The following TCF4 variants were observed in gnomAD, a reference collection of about 807,000 sequenced individuals.
TCF4 encodes transcription factor 4.
In TCF4, 3 loss-of-function variants were observed where a neutral mutation model predicts 82.1. The ratio of observed to expected loss-of-function variants is 0.04; its 90% CI spans 0.02 to 0.09. TCF4 has a LOEUF of 0.09. Among genes scored for constraint, TCF4 ranks in the 10% least tolerant of loss-of-function variants. TCF4 has a pLI of 1.00. For synonymous variants in TCF4, 276 were observed against 309.6 expected, an observed-to-expected ratio of 0.89 and a Z score of 1.14; for missense variants, 518 against 852.7, an observed-to-expected ratio of 0.61 and a Z score of 4.89.
intron 8 of TCF4, among the ~76,000 whole-genome samples, chr18:55,347,682 T>C (rs1485234003): frequency 1.3e-5 from 2 of 152,204 alleles, no homozygotes; most frequent in African/African-American, 4.8e-5. Context: ...GTCCAGTCTC[T>C]GTACCACAGG....
rs561805856 is a variant in TCF4, at chr18:55,623,287, A to C, written c.286+8011T>G. ...CACAACTTTAAATATTAACACTATTAGTTATTTATACTTTCTTTTTCCCTT... is the reference window on the plus strand; with the variant it reads ...CACAACTTTAAATATTAACACTATTCGTTATTTATACTTTCTTTTTCCCTT... On this transcript the variant is annotated intron_variant, in intron 2 of 20. Transcript: ENST00000398339. 9.8e-5 allele frequency among the ~76,000 whole-genome samples: 15 copies of C among 152,328 alleles called. No individual in the cohort carries two copies. The South Asian group carries it at 2.3e-3, about 23-fold the overall frequency.
intron 10 of TCF4, among the ~76,000 whole-genome samples, chr18:55,271,882 A>C (rs1238908815): frequency 6.6e-6 from 1 of 152,086 alleles, no homozygotes; most frequent in African/African-American, 2.4e-5. Context: ...AAAAAAGAAC[A>C]AAAAAAGAGA....
chr18:55,234,660 G>A lies in TCF4; in HGVS notation c.1374C>T (p.Gly458=). The change falls in exon 16 of 20, where the codon GGC becomes GGT. Residue 458 remains glycine, a synonymous_variant. Transcript: ENST00000354452. ...GAGAATGGCTGCCTCTCAGGGCCAC[G>A]CCATCTTCACGATGGGTCCCCACCT... ...SLMVGTHRED[G]VALRGSHSLL... is the part of the protein sequence containing the mutation. The A allele has an allele frequency of 1.2e-6, 2 of 1,614,122 alleles. No individual in the cohort carries two copies. Among genetic ancestry groups the A allele is most frequent in the Non-Finnish European group, 8.5e-7 (1 of 1,180,002 alleles).
At chr18:55,346,938 T>C (rs1008068544) in intron 8 of TCF4, among the ~76,000 whole-genome samples, 5 of 152,332 alleles carry the variant, frequency 3.3e-5, no homozygotes, top group Admixed American at 3.3e-4. Flanking sequence ...TTTCCAACTT[T>C]AATTTACTAT....
At chr18:55,487,163 C>T (rs951557004) in intron 3 of TCF4, among the ~76,000 whole-genome samples, 1 of 152,174 alleles carries the variant, frequency 6.6e-6, no homozygotes, top group Non-Finnish European at 1.5e-5. Context: ...CACCAGACTC[C>T]TCACCGTTAC....
At chr18:55,383,446 CA>C (rs1208823846) in intron 6 of TCF4, among the ~76,000 whole-genome samples, 1 of 152,184 alleles carries the variant, frequency 6.6e-6, no homozygotes, top group African/African-American at 2.4e-5. Flanking sequence ...ATATAGCAAG[CA>C]CCCCCATCCT....
chr18:55,592,783 G>A (rs2097687005), upstream of TCF4, among the ~76,000 whole-genome samples: 2 of 152,178 alleles, frequency 1.3e-5, no homozygotes, highest in African/African-American at 2.4e-5. Flanking sequence ...TAAGCCATGT[G>A]AGAGCCATGG....
intron 3 of TCF4, among the ~76,000 whole-genome samples, chr18:55,544,619 TACTA>T (rs1266074829): frequency 2.0e-5 from 3 of 152,178 alleles, no homozygotes; most frequent in African/African-American, 4.8e-5. Context: ...TGGGGTCAGA[TACTA>T]ACTATTATAT....
upstream of TCF4, chr18:55,589,398 C>T (rs559219936): frequency 9.5e-7 from 1 of 1,054,996 alleles, no homozygotes; most frequent in Admixed American, 5.4e-5. Flanking sequence ...ATGTGTATCC[C>T]CAAAAAGTAT....
chr18:55,520,781 G>A (rs779985540), intron 3 of TCF4, among the ~76,000 whole-genome samples: 3 of 152,128 alleles, frequency 2.0e-5, no homozygotes, highest in Non-Finnish European at 4.4e-5. Context: ...TCATTAGGCA[G>A]GAATCATAAC....
intron 15 of TCF4, among the ~76,000 whole-genome samples, chr18:55,248,968 CTCCTGACCTCGAGT>C (rs999226661): frequency 7.2e-5 from 11 of 152,312 alleles, no homozygotes; most frequent in African/African-American, 2.6e-4. Context: ...TGGCCTCGAA[CTCCTGACCTCGAGT>C]GATCCACCCG....
intron 15 of TCF4, among the ~76,000 whole-genome samples, chr18:55,242,966 T>C (rs745509097): frequency 7.2e-5 from 11 of 152,244 alleles, no homozygotes; most frequent in Admixed American, 1.3e-4. Flanking sequence ...ATACGATGAA[T>C]GTCATAAAGG....
At chr18:55,324,606 A>G (rs2147593705) in intron 8 of TCF4, among the ~76,000 whole-genome samples, 1 of 152,260 alleles carries the variant, frequency 6.6e-6, no homozygotes. Flanking sequence ...TCACAGACAC[A>G]GTTTTCACAG....
At chr18:55,435,708 G>T (rs756334971) in intron 5 of TCF4, among the ~76,000 whole-genome samples, 32 of 152,190 alleles carry the variant, frequency 2.1e-4, no homozygotes, top group Admixed American at 7.2e-4. Flanking sequence ...TGGCTGCCAT[G>T]ACTCAAACAC....
intron 1 of TCF4, among the ~76,000 whole-genome samples, chr18:55,634,253 G>C (rs1199821226): frequency 6.6e-6 from 1 of 151,766 alleles, no homozygotes; most frequent in Non-Finnish European, 1.5e-5. Flanking sequence ...TGGGGCAACA[G>C]AGTGAGACTC....
chr18:55,616,808 T>G (rs2097712617), intron 2 of TCF4, among the ~76,000 whole-genome samples: 1 of 152,108 alleles, frequency 6.6e-6, no homozygotes, highest in Admixed American at 6.5e-5. Context: ...GCTATTGTGT[T>G]GCAGGAGTTC....
At chr18:55,297,893 T>C (rs879846262) in intron 8 of TCF4, among the ~76,000 whole-genome samples, 7 of 152,282 alleles carry the variant, frequency 4.6e-5, no homozygotes, top group Middle Eastern at 3.4e-3. Context: ...TTTAAGACAC[T>C]ATATATTACA....
chr18:55,553,354 T>C (rs893077245), intron 3 of TCF4: 1 of 152,174 alleles, frequency 6.6e-6, no homozygotes, highest in South Asian at 2.1e-4. Flanking sequence ...GAATAAATGA[T>C]GACTGTGACT....
chr18:55,358,050 T>C (rs111895774), intron 6 of TCF4, among the ~76,000 whole-genome samples: 31 of 152,220 alleles, frequency 2.0e-4, no homozygotes, highest in African/African-American at 7.0e-4. Context: ...CACTAACTCT[T>C]TCCCTCCCAA....
Sources: allele counts gnomAD v4.1 joint callset (sites outside exome capture counted in the v4.1 genomes callset), GRCh38; gene constraint gnomAD v4.1.1; transcripts MANE v1.5; gene names NCBI Gene and HGNC (gene_info 2026-07-23, HGNC 2026-07-21).